Variants in TENM2 observed in about 807,000 individuals in gnomAD.
TENM2 encodes teneurin-2.
TENM2 carries 52 observed loss-of-function variants against 245.2 expected under a neutral mutation model. The observed-to-expected ratio is 0.21, with a 90% CI of 0.17 to 0.27. The LOEUF is 0.27. Among genes scored for constraint, TENM2 ranks in the 10% least tolerant of loss-of-function variants. The pLI, the probability that TENM2 is intolerant of heterozygous loss-of-function variation, is 1.00. For missense variants in TENM2, 3,046 were observed against 3,666.8 expected (o/e 0.83, Z 4.37); for synonymous variants, 1,363 against 1,438.9 (o/e 0.95, Z 1.19).
chr5:168,201,301 T>C (rs911257884), intron 17 of TENM2, among the ~76,000 whole-genome samples: 6 of 151,880 alleles, frequency 4.0e-5, no homozygotes, highest in African/African-American at 1.2e-4. Context: ...TATATATATA[T>C]ACACACATAC....
chr5:167,728,891 G>C (rs1760224851), intron 2 of TENM2: 1 of 152,236 alleles, frequency 6.6e-6, no homozygotes, highest in African/African-American at 2.4e-5. Flanking sequence ...ATATGTTCCT[G>C]CCAGGCAGTT....
At chr5:167,198,797 T>G in the TENM2 span, among the ~76,000 whole-genome samples, 3 of 151,936 alleles carry the variant, frequency 2.0e-5, no homozygotes, top group Non-Finnish European at 2.9e-5. Context: ...TGCCTCCAGG[T>G]GTGCTAATAA....
chr5:167,245,091 T>C, the TENM2 span, among the ~76,000 whole-genome samples: 2 of 152,202 alleles, frequency 1.3e-5, no homozygotes, highest in South Asian at 4.1e-4. Flanking sequence ...ATTCCTCTGC[T>C]GGTTTCCATG....
intron 2 of TENM2, among the ~76,000 whole-genome samples, chr5:167,750,737 T>C (rs1761905631): frequency 6.6e-6 from 1 of 152,076 alleles, no homozygotes. Context: ...AAAAATGATG[T>C]GGGTAGCTGA....
intron 3 of TENM2, among the ~76,000 whole-genome samples, chr5:167,883,131 TG>T (rs1344464513): frequency 9.2e-5 from 14 of 152,260 alleles, no homozygotes; most frequent in African/African-American, 3.4e-4. Flanking sequence ...CTATAACACT[TG>T]GCTGAAAATG....
At chr5:168,142,572 G>A (rs1357087512) in intron 12 of TENM2, among the ~76,000 whole-genome samples, 1 of 152,236 alleles carries the variant, frequency 6.6e-6, no homozygotes, top group Non-Finnish European at 1.5e-5. Context: ...ATAGGGCAGA[G>A]GCCCTGAAAG....
At position 168,261,410 on chromosome 5, in the gene TENM2, T is replaced by A. The variant is rs147698457; in HGVS notation, c.7564-639T>A. ...TCTCAAATGTTCATATGCACACAGA[T>A]CACCCAAGGCATCTTGTTCACACGT... On this transcript the variant is annotated intron_variant, in intron 28 of 28. Coordinates refer to ENST00000518659, the Ensembl canonical transcript of TENM2. Among the ~76,000 whole-genome samples the A allele has an allele frequency of 5.9e-5, 9 of 152,280 alleles. No homozygotes were observed. The East Asian group carries it at 1.7e-3, about 29-fold the overall frequency.
At chr5:167,629,694 C>T (rs1399398125) in intron 2 of TENM2, among the ~76,000 whole-genome samples, 1 of 152,152 alleles carries the variant, frequency 6.6e-6, no homozygotes, top group Non-Finnish European at 1.5e-5. Context: ...CCAGTAAATA[C>T]ATATGTTTGG....
At chr5:167,265,261 G>T in the TENM2 span, among the ~76,000 whole-genome samples, 4 of 150,044 alleles carry the variant, frequency 2.7e-5, no homozygotes, top group East Asian at 8.0e-4. Context: ...GAACCCAGGA[G>T]GTGGAGGTTT....
intron 2 of TENM2, among the ~76,000 whole-genome samples, chr5:167,706,197 C>G (rs1386731575): frequency 2.1e-5 from 3 of 143,660 alleles, no homozygotes; most frequent in African/African-American, 7.6e-5. Flanking sequence ...TAATCATATA[C>G]TATATAATTA....
intron 2 of TENM2, among the ~76,000 whole-genome samples, chr5:167,650,672 C>A (rs1754398777): frequency 6.6e-6 from 1 of 152,110 alleles, no homozygotes; most frequent in East Asian, 1.9e-4. Context: ...TGAACTGATA[C>A]TTGAGAAGCA....
intron 2 of TENM2, among the ~76,000 whole-genome samples, chr5:167,800,802 C>T (rs1405319809): frequency 6.6e-6 from 1 of 151,984 alleles, no homozygotes; most frequent in Non-Finnish European, 1.5e-5. Flanking sequence ...GTCTGGATGT[C>T]CCTTCAATTA....
At chr5:167,251,167 T>C in the TENM2 span, among the ~76,000 whole-genome samples, 1 of 152,198 alleles carries the variant, frequency 6.6e-6, no homozygotes, top group Non-Finnish European at 1.5e-5. Flanking sequence ...AAGGAACGTG[T>C]TGTAAAAGTT....
chr5:167,806,544 A>C (rs1041713394), intron 2 of TENM2, among the ~76,000 whole-genome samples: 4 of 152,102 alleles, frequency 2.6e-5, no homozygotes, highest in Non-Finnish European at 4.4e-5. Context: ...GTGGTAATGA[A>C]GATGGCCCCC....
the TENM2 span, among the ~76,000 whole-genome samples, chr5:167,016,472 T>C: frequency 1.3e-5 from 2 of 152,126 alleles, no homozygotes; most frequent in South Asian, 4.1e-4. Context: ...GTGAATACAA[T>C]TAAAAAAAGA....
chr5:168,231,983 C>G (rs1009048264), intron 25 of TENM2, among the ~76,000 whole-genome samples: 4 of 151,980 alleles, frequency 2.6e-5, no homozygotes, highest in African/African-American at 7.2e-5. Flanking sequence ...AGGAGGACTG[C>G]TTGAGCACAG....
chr5:168,199,996 G>T, exon 17 of TENM2: 1 of 1,613,972 alleles, frequency 6.2e-7, no homozygotes, highest in Non-Finnish European at 8.5e-7. Context: ...CCTCATTAGG[G>T]TTCACCTGAT....
At chr5:167,400,968 G>A (rs1015826744) in intron 2 of TENM2, among the ~76,000 whole-genome samples, 2 of 152,174 alleles carry the variant, frequency 1.3e-5, no homozygotes, top group Admixed American at 1.3e-4. Flanking sequence ...GCTCATGCCT[G>A]CAATCCTAGC....
At position 168,238,313 on chromosome 5, in the gene TENM2, A is replaced by G. The variant is rs534120610; in HGVS notation, c.5521-6107A>G. Reference sequence around the variant, plus strand: ...AGAAAAGAAAAGAAAAAATCCCAGAAGACTGACCCGGAAAGAAAATGAAGA... The same window carrying G: ...AGAAAAGAAAAGAAAAAATCCCAGAGGACTGACCCGGAAAGAAAATGAAGA... On this transcript the variant is annotated intron_variant, in intron 25 of 28. Transcript: ENST00000518659. Among the ~76,000 whole-genome samples, 12 of 151,860 alleles carry G rather than the reference A, an allele frequency of 7.9e-5. 1 individual carries two copies. In the East Asian group the frequency reaches 2.3e-3, roughly 29 times the overall value.
Sources: gnomAD v4.1 joint callset for allele counts (sites outside exome capture counted in the v4.1 genomes callset) on GRCh38, gnomAD v4.1.1 for gene constraint, MANE v1.5 for transcripts, NCBI Gene and HGNC (gene_info 2026-07-23, HGNC 2026-07-21) for gene names.